Variants in DPP8 observed in about 807,000 individuals in gnomAD.
The protein encoded by DPP8 is DPP VIII.
A neutral mutation model predicts 107.5 loss-of-function variants in DPP8; 31 were observed. The observed-to-expected ratio is 0.29, with a 90% CI of 0.22 to 0.39. DPP8 has a LOEUF of 0.39. DPP8 is among the 10% of genes least tolerant of loss of function. The pLI is 1.00. For synonymous variants in DPP8, 381 were observed against 356.6 expected (o/e 1.07, Z -0.77); for missense variants, 842 against 1,076.1 (o/e 0.78, Z 3.04).
At chr15:65,489,084 C>A (rs2067733395) in intron 6 of DPP8, among the ~76,000 whole-genome samples, 1 of 152,112 alleles carries the variant, frequency 6.6e-6, no homozygotes, top group African/African-American at 2.4e-5. Flanking sequence ...CCTCAGCCTC[C>A]CGAGTAGCTG....
Position 65,507,346 on chromosome 15 carries a change from C to A in DPP8, c.269G>T (p.Gly90Val). Residue 90 changes from glycine to valine, a missense_variant, in exon 3 of 20, where the codon GGT (glycine) becomes GTT (valine). Around this residue, in one of 2 missense-constraint regions of DPP8, gnomAD observed 663 missense variants for 758.0 expected, o/e 0.87. Coordinates refer to ENST00000300141, the MANE Select transcript of DPP8 (RefSeq NM_130434.5). Reference sequence around the variant, plus strand: ...AAACAGTGTATTTTCTCTGTTCTCACCAGACATGGCTATAGGAGAAAGCAA... The same window carrying A: ...AAACAGTGTATTTTCTCTGTTCTCAACAGACATGGCTATAGGAGAAAGCAA... Reference protein sequence around the residue: ...SDRIYYLAMSGENRENTLFYS... With the variant: ...SDRIYYLAMSVENRENTLFYS... The A allele has an allele frequency of 6.3e-7, 1 of 1,586,210 alleles. No individual in the cohort carries two copies. Among genetic ancestry groups the A allele is most frequent in the African/African-American group, 1.3e-5 (1 of 74,244 alleles).
At chr15:65,496,566 A>G (rs1051523391) in intron 5 of DPP8, among the ~76,000 whole-genome samples, 1 of 152,194 alleles carries the variant, frequency 6.6e-6, no homozygotes, top group Admixed American at 6.5e-5. Context: ...ATAAAACTTA[A>G]TTAAATATTC....
At chr15:65,447,614 A>C (rs2063570578) in intron 19 of DPP8, among the ~76,000 whole-genome samples, 1 of 152,224 alleles carries the variant, frequency 6.6e-6, no homozygotes, top group Non-Finnish European at 1.5e-5. Flanking sequence ...TCTCAAAGAA[A>C]AGTACTAGTG....
chr15:65,455,107 C>T (rs1230140255), intron 16 of DPP8, among the ~76,000 whole-genome samples: 1 of 152,102 alleles, frequency 6.6e-6, no homozygotes, highest in Non-Finnish European at 1.5e-5. Context: ...AAAATTAGCC[C>T]CTTAAGTAAT....
At chr15:65,494,570 G>A (rs1354133709) in intron 5 of DPP8, among the ~76,000 whole-genome samples, 1 of 146,984 alleles carries the variant, frequency 6.8e-6, no homozygotes, top group Non-Finnish European at 1.5e-5. Flanking sequence ...CTATTCAGGG[G>A]TGCTGAGGTG....
chr15:65,496,816 A>AT (rs1185461247), intron 5 of DPP8, among the ~76,000 whole-genome samples: 7,140 of 138,804 alleles, frequency 0.051, 551 homozygotes, highest in African/African-American at 0.17. Context: ...ACATCCAGCT[A>AT]TTTTTTTTTT....
intron 5 of DPP8, among the ~76,000 whole-genome samples, chr15:65,496,183 C>G (rs973992263): frequency 6.6e-5 from 10 of 151,944 alleles, no homozygotes; most frequent in African/African-American, 1.9e-4. Context: ...CAGGGTTTCA[C>G]TGTGTTAGCC....
At position 65,507,332 on chromosome 15, in the gene DPP8, T is replaced by A; in HGVS notation, c.283A>T (p.Asn95Tyr). The change falls in exon 3 of 20, where the codon AAT (asparagine) becomes TAT (tyrosine). Residue 95 changes from asparagine to tyrosine, a missense_variant. This residue lies in a region of DPP8 where 663 missense variants were observed against 758.0 expected (regional missense o/e 0.87). Coordinates refer to ENST00000300141, the MANE Select transcript of DPP8 (RefSeq NM_130434.5). The part of the protein sequence containing the change: ...YLAMSGENRE[N>Y]TLFYSEIPKT... ...GGAATTTCAGAATAAAACAGTGTAT[T>A]TTCTCTGTTCTCACCAGACATGGCT... 6.2e-7 allele frequency: 1 copy of A among 1,609,054 alleles called. No individual in the cohort carries two copies. Among genetic ancestry groups the A allele is most frequent in the Non-Finnish European group, 8.5e-7 (1 of 1,175,856 alleles).
intron 5 of DPP8, among the ~76,000 whole-genome samples, chr15:65,491,293 C>T (rs1360517317): frequency 6.6e-6 from 1 of 151,774 alleles, no homozygotes; most frequent in Non-Finnish European, 1.5e-5. Flanking sequence ...TTAAAAAGTG[C>T]TGATATAAAC....
intron 5 of DPP8, among the ~76,000 whole-genome samples, chr15:65,491,113 A>C (rs1231398365): frequency 6.7e-6 from 1 of 149,090 alleles, no homozygotes; most frequent in Non-Finnish European, 1.5e-5. Context: ...AGCCAAGATC[A>C]CAACACCACT....
chr15:65,508,235 G>A (rs565802099), intron 2 of DPP8, among the ~76,000 whole-genome samples: 2 of 143,576 alleles, frequency 1.4e-5, no homozygotes, highest in Admixed American at 6.9e-5. Context: ...GCAAGACTCC[G>A]TCTCAAAAAA....
rs753246240 is a variant in DPP8, at chr15:65,456,222, C to T, written c.2118+3G>A. 9 of 1,604,918 alleles carry T rather than the reference C, an allele frequency of 5.6e-6. No individual in the cohort carries two copies. Among genetic ancestry groups the T allele is most frequent in the African/African-American group, 1.3e-5 (1 of 74,298 alleles). On this transcript the variant is annotated splice_donor_region_variant and intron_variant, in intron 16 of 19. Transcript: ENST00000300141. Reference sequence around the variant, plus strand: ...AAAAGAAAAGTGTTTTATGCTCACACACCATTTTATATTTAAAGGCGCCTT... The same window carrying T: ...AAAAGAAAAGTGTTTTATGCTCACATACCATTTTATATTTAAAGGCGCCTT...
chr15:65,466,053 TCTC>T (rs1453255122), intron 14 of DPP8, among the ~76,000 whole-genome samples: 4 of 152,194 alleles, frequency 2.6e-5, no homozygotes, highest in African/African-American at 9.6e-5. Context: ...AGAATACTAT[TCTC>T]CTCAAGTTCA....
chr15:65,460,989 C>T (rs910928897), intron 15 of DPP8, among the ~76,000 whole-genome samples: 3 of 152,284 alleles, frequency 2.0e-5, no homozygotes, highest in Middle Eastern at 3.4e-3. Flanking sequence ...TCTTGTACAG[C>T]ACTTAATATT....
intron 16 of DPP8, chr15:65,455,721 C>G (rs1295285853): frequency 1.6e-6 from 2 of 1,254,394 alleles, no homozygotes; most frequent in Non-Finnish European, 2.1e-6. Flanking sequence ...CTCAGCATGT[C>G]CAATAACACT....
chr15:65,512,592 T>C (rs1464156105), intron 1 of DPP8, 28 bp from the exon 2 acceptor site: 1 of 1,612,450 alleles, frequency 6.2e-7, no homozygotes. Context: ...ATGAAGCTGT[T>C]CACGGGTCTA....
chr15:65,498,551 A>G (rs921695816), intron 4 of DPP8, among the ~76,000 whole-genome samples: 1 of 152,194 alleles, frequency 6.6e-6, no homozygotes, highest in Non-Finnish European at 1.5e-5. Context: ...GAGAGGACAT[A>G]AAGGACATAA....
chr15:65,479,332 A>C (rs1253724809), intron 10 of DPP8, among the ~76,000 whole-genome samples: 1 of 152,206 alleles, frequency 6.6e-6, no homozygotes, highest in Non-Finnish European at 1.5e-5. Context: ...AACATGGCAC[A>C]AGGTTTGTTT....
chr15:65,480,478 ACC>A, intron 9 of DPP8, 79 bp from the exon 10 acceptor site: 1 of 1,004,778 alleles, frequency 1.0e-6, no homozygotes. Context: ...CTCCTTTGGC[ACC>A]TATCAATTAT....
Sources: allele counts gnomAD v4.1 joint callset (sites outside exome capture counted in the v4.1 genomes callset), GRCh38; gene constraint gnomAD v4.1.1; regional missense constraint gnomAD v4.1.1; transcripts MANE v1.5; gene names NCBI Gene and HGNC (gene_info 2026-07-23, HGNC 2026-07-21).